HMCN2: variants seen among roughly 807,000 people sequenced by gnomAD.
HMCN2 encodes hemicentin 2, also known as hemicentin-2.
A neutral mutation model predicts 377.5 loss-of-function variants in HMCN2; 325 were observed. That is an observed-to-expected ratio of 0.86 (90% confidence interval 0.79 to 0.94). The LOEUF is 0.94. Ranked by LOEUF, HMCN2 falls within the 40% of genes least tolerant of loss-of-function variation. The pLI, the probability that HMCN2 is intolerant of heterozygous loss-of-function variation, is 0.00. For synonymous variants in HMCN2, 2,007 were observed against 2,046.8 expected, an observed-to-expected ratio of 0.98 and a Z score of 0.53; for missense variants, 4,543 against 4,725.3, an observed-to-expected ratio of 0.96 and a Z score of 1.13.
chr9:130,388,765 C>G (rs546464030), intron 62 of HMCN2, among the ~76,000 whole-genome samples: 1 of 151,342 alleles, frequency 6.6e-6, no homozygotes, highest in South Asian at 2.1e-4. Context: ...GGTTTGGAAG[C>G]TCCTTTGCAT....
chr9:130,398,516 C>G, intron 74 of HMCN2, 35 bp from the exon 75 acceptor site: 1 of 1,156,578 alleles, frequency 8.6e-7, no homozygotes, highest in Non-Finnish European at 1.1e-6. Context: ...CCTGTGCCCC[C>G]TGCACCTGTC....
chr9:130,404,096 C>T (rs1202146833), intron 80 of HMCN2, among the ~76,000 whole-genome samples: 2 of 152,204 alleles, frequency 1.3e-5, no homozygotes, highest in African/African-American at 2.4e-5. Context: ...TCTAGCATCC[C>T]TCATTCATTC....
intron 18 of HMCN2, among the ~76,000 whole-genome samples, chr9:130,321,556 G>A (rs1837851109): frequency 6.6e-6 from 1 of 152,052 alleles, no homozygotes; most frequent in African/African-American, 2.4e-5. Context: ...GGGAGAGGTG[G>A]GGTCAGGGTA....
intron 5 of HMCN2, among the ~76,000 whole-genome samples, chr9:130,295,241 G>A (rs1326347859): frequency 6.6e-6 from 1 of 152,154 alleles, no homozygotes; most frequent in African/African-American, 2.4e-5. Flanking sequence ...GGGAATTAAA[G>A]TAATGGCGGT....
rs61739623 is a variant in HMCN2 at position 130,375,886 on chromosome 9, G to T, written c.7815G>T (p.Gly2605=). Residue 2605 remains glycine, a synonymous_variant, in exon 51 of 98, where the codon GGG becomes GGT. Coordinates refer to ENST00000683500, the MANE Select transcript of HMCN2 (RefSeq NM_001291815.2). ...RNIQLLPGTH[G]LQILNAQKED... is the part of the protein sequence containing the mutation. ...CTGGCCCCCACACAGGTACCCACGG[G>T]CTGCAGATCCTGAATGCCCAGAAGG... The T allele has an allele frequency of 0.032, 31,396 of 985,842 alleles. 602 individuals carry two copies. The highest frequency in any genetic ancestry group is 0.1 in the Admixed American group (1,673 of 16,278). The allele number at this position is 985,842 out of a possible 1,614,324, so 61.1% of individuals were successfully genotyped here. A position where few individuals can be genotyped will look rare whatever the true frequency, so the allele number is the denominator to read the frequency against.
At position 130,271,298 on chromosome 9, in the gene HMCN2, G is replaced by A. The variant is rs577686851; in HGVS notation, c.259+5161G>A. On this transcript the variant is annotated intron_variant, in intron 1 of 97. Transcript: ENST00000683500. ...GAGTCACTTACTGTGTGCAGCCCAC[G>A]TTTAAAAAGCGGGGAGCCATGATCC... Among the ~76,000 whole-genome samples, 10 of 148,754 alleles carry A rather than the reference G, an allele frequency of 6.7e-5. No homozygotes were observed. In the East Asian group the frequency reaches 1.7e-3, roughly 26 times the overall value.
At chr9:130,275,500 A>G (rs1171366091) in intron 1 of HMCN2, among the ~76,000 whole-genome samples, 3 of 152,102 alleles carry the variant, frequency 2.0e-5, no homozygotes. Flanking sequence ...CCTAGGCTGG[A>G]GTGCAGTGGC....
chr9:130,365,557 C>T, intron 41 of HMCN2, 74 bp from the exon 42 acceptor site: 2 of 708,878 alleles, frequency 2.8e-6, no homozygotes, highest in Non-Finnish European at 3.5e-6. Flanking sequence ...GACATGTCTG[C>T]AGTCACACAG....
rs183971303 is a variant in HMCN2, at chr9:130,305,538, G to A, written c.1816+536G>A. Among the ~76,000 whole-genome samples the A allele has an allele frequency of 7.7e-4, 117 of 152,288 alleles. 1 individual carries two copies. Among genetic ancestry groups the A allele is most frequent in the South Asian group, 2.1e-4 (1 of 4,822 alleles). Reference sequence around the variant, plus strand: ...AACAAGCATTCTCTCTTGTGCCAGCGGCTCTTGAGTGGCTGCCAGAGTGTG... The same window carrying A: ...AACAAGCATTCTCTCTTGTGCCAGCAGCTCTTGAGTGGCTGCCAGAGTGTG... On this transcript the variant is annotated intron_variant, in intron 11 of 97. Coordinates refer to ENST00000683500, the MANE Select transcript of HMCN2 (RefSeq NM_001291815.2).
Position 130,362,062 on chromosome 9 carries a change from C to T in HMCN2, c.6005C>T (p.Thr2002Ile), listed in dbSNP as rs1315525155. Reference sequence around the variant, plus strand: ...CTGCCAGGCCCTGTGTTGGTCAACACCCCTGTCCGGCTGACCTGCAATGCC... The same window carrying T: ...CTGCCAGGCCCTGTGTTGGTCAACATCCCTGTCCGGCTGACCTGCAATGCC... ...PSLPGPVLVN[T>I]PVRLTCNATG... The change falls in exon 39 of 98, where the codon ACC becomes ATC. Residue 2002 changes from threonine to isoleucine, a missense_variant. Around this residue, in one of 5 missense-constraint regions of HMCN2, gnomAD observed 1,032 missense variants for 1,285.1 expected, o/e 0.80. Transcript: ENST00000683500. 3 of 986,062 alleles carry T rather than the reference C, an allele frequency of 3.0e-6. No homozygotes were observed. Among genetic ancestry groups the T allele is most frequent in the Non-Finnish European group, 3.6e-6 (3 of 830,166 alleles). 61.1% of individuals were successfully genotyped at this position (986,062 alleles called of 1,614,324 possible). A position where few individuals can be genotyped will look rare whatever the true frequency, so the allele number is the denominator to read the frequency against.
intron 29 of HMCN2, among the ~76,000 whole-genome samples, chr9:130,350,642 T>G (rs2131520909): frequency 6.6e-6 from 1 of 151,840 alleles, no homozygotes; most frequent in Admixed American, 6.6e-5. Flanking sequence ...ATCCCAGCAC[T>G]TTGGGAGGCT....
chr9:130,297,554 G>C lies in HMCN2; in HGVS notation c.1012+760G>C, dbSNP rs181705876. Among the ~76,000 whole-genome samples the C allele has an allele frequency of 4.2e-3, 636 of 152,296 alleles. 1 individual carries two copies. The highest frequency in any genetic ancestry group is 6.8e-3 in the Middle Eastern group (2 of 294). ...CATTTGGAGACTTTTGCAGGGACCA[G>C]CTCAGCTCAGCTCCTCCTGGGAGGA... On this transcript the variant is annotated intron_variant, in intron 7 of 97. Transcript: ENST00000683500.
chr9:130,354,834 C>A lies in HMCN2; in HGVS notation c.4936C>A (p.Leu1646Met). The A allele has an allele frequency of 7.7e-7, 1 of 1,304,230 alleles. No homozygotes were observed. The highest frequency in any genetic ancestry group is 1.0e-6 in the Non-Finnish European group (1 of 988,932). 80.8% of individuals were successfully genotyped at this position (1,304,230 alleles called of 1,614,324 possible). ...GGCTGTGGCTGGGAGGCCTGTGGCG[C>A]TGGAGTGCGTGGCCAGAGGCCACCC... ...VKAVAGRPVA[L>M]ECVARGHPSP... is the part of the protein sequence containing the mutation. The change falls in exon 32 of 98, where the codon CTG (leucine) becomes ATG (methionine). Residue 1646 changes from leucine to methionine, a missense_variant. Physicochemically the swap from Leu to Met is conservative, Grantham distance 15 (BLOSUM62 2). Coordinates refer to ENST00000683500, the MANE Select transcript of HMCN2 (RefSeq NM_001291815.2).
chr9:130,316,394 G>A (rs1163913223), intron 15 of HMCN2, among the ~76,000 whole-genome samples: 618 of 151,136 alleles, frequency 4.1e-3, no homozygotes, highest in African/African-American at 0.014. Flanking sequence ...GGGCGTGGCT[G>A]AAGTCCCAGA....
rs1215673820 is a variant in HMCN2 at position 130,414,529 on chromosome 9, A to C, written c.12961+3877A>C. On this transcript the variant is annotated intron_variant, in intron 85 of 97. Coordinates refer to ENST00000683500, the MANE Select transcript of HMCN2 (RefSeq NM_001291815.2). The surrounding 1 kb of genome is among the most constrained non-coding windows in gnomAD (Gnocchi z 4.4). ...AGGAACAAGGAAAAGCTCAACTTAC[A>C]CACCAGGAACAAGGAAAATCTCAAT... 1.3e-5 allele frequency among the ~76,000 whole-genome samples: 2 copies of C among 152,162 alleles called. No individual in the cohort carries two copies. Among genetic ancestry groups the C allele is most frequent in the South Asian group, 2.1e-4 (1 of 4,826 alleles).
At chr9:130,376,892 G>C (rs961011374) in intron 52 of HMCN2, among the ~76,000 whole-genome samples, 2 of 152,100 alleles carry the variant, frequency 1.3e-5, no homozygotes, top group Admixed American at 6.5e-5. Flanking sequence ...TGCCTCCTGG[G>C]TTCAAGCAAT....
intron 76 of HMCN2, chr9:130,400,418 G>A (rs1043671781): frequency 1.2e-5 from 2 of 163,804 alleles, no homozygotes; most frequent in African/African-American, 2.4e-5. Flanking sequence ...TCCCGGGAGC[G>A]GGGGACCACC....
At chr9:130,286,946 C>T (rs1227755226) in intron 4 of HMCN2, among the ~76,000 whole-genome samples, 1 of 152,192 alleles carries the variant, frequency 6.6e-6, no homozygotes, top group Non-Finnish European at 1.5e-5. Context: ...CCCTGCTTTC[C>T]CTCCACCCCA....
intron 90 of HMCN2, 105 bp downstream of exon 90, chr9:130,426,029 AC>A: frequency 1.2e-6 from 1 of 854,576 alleles, no homozygotes; most frequent in Non-Finnish European, 1.8e-6. Context: ...ACATCCACTG[AC>A]CATGGGCCAG....
Sources: allele counts gnomAD v4.1 joint callset (sites outside exome capture counted in the v4.1 genomes callset), GRCh38; gene constraint gnomAD v4.1.1; regional missense constraint gnomAD v4.1.1; non-coding constraint Gnocchi (gnomAD v3.1); transcripts MANE v1.5; gene names NCBI Gene and HGNC (gene_info 2026-07-23, HGNC 2026-07-21).